The following NUMB variants were observed in gnomAD, a reference collection of about 807,000 sequenced individuals.
The protein encoded by NUMB is protein numb homolog.
A neutral mutation model predicts 59.7 loss-of-function variants in NUMB; 29 were observed. The observed-to-expected ratio is 0.49, with a 90% CI of 0.36 to 0.66. NUMB has a LOEUF of 0.66. NUMB is among the 30% of genes least tolerant of loss of function. NUMB has a pLI of 0.00. For synonymous variants in NUMB, 288 were observed against 288.2 expected (o/e 1.00, Z 0.01); for missense variants, 723 against 822.0 (o/e 0.88, Z 1.47).
chr14:73,345,352 G>C (rs1320049988), intron 4 of NUMB, among the ~76,000 whole-genome samples: 1 of 152,076 alleles, frequency 6.6e-6, no homozygotes, highest in African/African-American at 2.4e-5. Context: ...ACTTGAGGTG[G>C]GAGGGTGATG....
At chr14:73,296,213 C>T (rs982831688) in intron 7 of NUMB, among the ~76,000 whole-genome samples, 9 of 151,936 alleles carry the variant, frequency 5.9e-5, no homozygotes, top group Admixed American at 1.3e-4. Flanking sequence ...GAGGCCAAGG[C>T]GGGTGGATCA....
At chr14:73,428,250 T>C (rs1272250069) in intron 1 of NUMB, among the ~76,000 whole-genome samples, 3 of 152,224 alleles carry the variant, frequency 2.0e-5, no homozygotes, top group Non-Finnish European at 1.5e-5. Context: ...TGTCTGCTAC[T>C]ACCTAGCTGT....
At chr14:73,345,263 C>G (rs1892845439) in intron 4 of NUMB, among the ~76,000 whole-genome samples, 1 of 152,178 alleles carries the variant, frequency 6.6e-6, no homozygotes, top group African/African-American at 2.4e-5. Context: ...CCAAATATCT[C>G]ATGTTCTCAC....
intron 3 of NUMB, among the ~76,000 whole-genome samples, chr14:73,356,507 G>A (rs918509425): frequency 2.6e-5 from 4 of 152,164 alleles, no homozygotes; most frequent in South Asian, 2.1e-4. Context: ...GCCAGGTGTG[G>A]TGGTGCACAC....
intron 6 of NUMB, among the ~76,000 whole-genome samples, chr14:73,306,874 A>T (rs1298990668): frequency 1.3e-5 from 2 of 152,208 alleles, no homozygotes; most frequent in Non-Finnish European, 2.9e-5. Context: ...TATGGACCAC[A>T]AATTATTCTA....
intron 1 of NUMB, among the ~76,000 whole-genome samples, chr14:73,440,345 A>C (rs1882961041): frequency 6.6e-6 from 1 of 151,852 alleles, no homozygotes; most frequent in African/African-American, 2.4e-5. Flanking sequence ...CCCTTCCCCC[A>C]CACTGTACAC....
intron 2 of NUMB, among the ~76,000 whole-genome samples, chr14:73,405,588 C>T (rs1241513522): frequency 1.3e-5 from 2 of 151,980 alleles, no homozygotes. Context: ...CAGGTGTGAG[C>T]CACTGTGCTC....
chr14:73,328,288 A>G (rs80261641), intron 4 of NUMB, among the ~76,000 whole-genome samples: 1 of 150,938 alleles, frequency 6.6e-6, no homozygotes, highest in African/African-American at 2.5e-5. Context: ...AAAAAAAAAA[A>G]GTCATATAAA....
chr14:73,309,768 C>A, intron 6 of NUMB, among the ~76,000 whole-genome samples: 1 of 136,488 alleles, frequency 7.3e-6, no homozygotes, highest in South Asian at 2.3e-4. Context: ...AAAATAGGAT[C>A]CAGAATGAAG....
At chr14:73,433,714 T>G (rs946545393) in intron 1 of NUMB, among the ~76,000 whole-genome samples, 4 of 152,178 alleles carry the variant, frequency 2.6e-5, no homozygotes, top group African/African-American at 9.6e-5. Context: ...AAAAATCTCC[T>G]TTGATAAATC....
intron 4 of NUMB, among the ~76,000 whole-genome samples, chr14:73,324,380 G>A (rs1891557258): frequency 6.6e-6 from 1 of 152,096 alleles, no homozygotes; most frequent in African/African-American, 2.4e-5. Flanking sequence ...TATTTTGTGA[G>A]ACTCTTATGT....
intron 2 of NUMB, among the ~76,000 whole-genome samples, chr14:73,402,920 A>G (rs1290133338): frequency 6.6e-6 from 1 of 152,238 alleles, no homozygotes; most frequent in Non-Finnish European, 1.5e-5. Context: ...CATCACATTG[A>G]AGTCAAACAA....
chr14:73,279,565 A>G lies in NUMB; in HGVS notation c.1097-141T>C, dbSNP rs79090653. 187 of 699,076 alleles carry G rather than the reference A, an allele frequency of 2.7e-4. No individual in the cohort carries two copies. In the African/African-American group the frequency reaches 3.0e-3, roughly 11 times the overall value. 43.3% of individuals were successfully genotyped at this position (699,076 alleles called of 1,614,324 possible). A position where few individuals can be genotyped will look rare whatever the true frequency, so the allele number is the denominator to read the frequency against. ...AGAGTTGATGTTTGGGAAAACCATG[A>G]TATCTTGCATTGGATGTACATACCA... On this transcript the variant is annotated intron_variant, in intron 11 of 12. Transcript: ENST00000555238.
rs563675345 is a variant in NUMB, at chr14:73,327,735, A to ATAGATTTACT, written c.127-4541_127-4532dup. Among the ~76,000 whole-genome samples the ATAGATTTACT allele has an allele frequency of 5.6e-4, 85 of 152,304 alleles. 1 individual carries two copies. The East Asian group carries it at 0.011, about 19-fold the overall frequency. On this transcript the variant is annotated intron_variant, in intron 4 of 12. Transcript: ENST00000555238. ...GCTCATATACATGGTCCTGTAGGACATAGATTTACTCATTTTTAAAAAACA... is the reference window on the plus strand; with the variant it reads ...GCTCATATACATGGTCCTGTAGGACATAGATTTACTTAGATTTACTCATTTTTAAAAAACA...
intron 1 of NUMB, among the ~76,000 whole-genome samples, chr14:73,449,757 G>A (rs773992618): frequency 3.9e-5 from 6 of 152,080 alleles, no homozygotes; most frequent in Non-Finnish European, 5.9e-5. Context: ...GCAGTGGCTC[G>A]GCTCACTGCA....
chr14:73,381,232 T>C (rs925281325), intron 2 of NUMB, among the ~76,000 whole-genome samples: 1 of 152,114 alleles, frequency 6.6e-6, no homozygotes, highest in Non-Finnish European at 1.5e-5. Context: ...ACCTTGTCTA[T>C]GAAAGGTACC....
intron 9 of NUMB, chr14:73,284,680 T>C (rs887067153): frequency 4.7e-5 from 11 of 233,424 alleles, no homozygotes; most frequent in East Asian, 3.2e-4. Flanking sequence ...ATTCCTAATA[T>C]GTAGTCTTTT....
intron 1 of NUMB, among the ~76,000 whole-genome samples, chr14:73,444,205 C>A (rs1265533980): frequency 6.6e-6 from 1 of 152,144 alleles, no homozygotes; most frequent in African/African-American, 2.4e-5. Context: ...CGAGACCACC[C>A]TGGCTAACAC....
intron 1 of NUMB, among the ~76,000 whole-genome samples, chr14:73,416,343 T>C (rs1897127572): frequency 6.6e-6 from 1 of 151,610 alleles, no homozygotes; most frequent in Non-Finnish European, 1.5e-5. Context: ...TTTTTTTTTT[T>C]TTTTACTAGA....
Sources: allele counts gnomAD v4.1 joint callset (sites outside exome capture counted in the v4.1 genomes callset), GRCh38; gene constraint gnomAD v4.1.1; transcripts MANE v1.5; gene names NCBI Gene and HGNC (gene_info 2026-07-23, HGNC 2026-07-21).